Variants in APLF observed in about 807,000 individuals in gnomAD.
APLF encodes the protein aprataxin and PNKP like factor.
Under a neutral mutation model 55.6 loss-of-function variants are expected in APLF, and 61 were observed. The observed-to-expected ratio is 1.10, with a 90% CI of 0.89 to 1.36. The LOEUF is 1.36. Among genes scored for constraint, APLF ranks in the 40% most tolerant of loss-of-function variants. The pLI, the probability that APLF is intolerant of heterozygous loss-of-function variation, is 0.00. For missense variants in APLF, 611 were observed against 602.5 expected (o/e 1.01, Z -0.15); for synonymous variants, 207 against 214.8 (o/e 0.96, Z 0.32).
At chr2:68,480,550 C>T (rs1675921748) in intron 1 of APLF, among the ~76,000 whole-genome samples, 1 of 152,028 alleles carries the variant, frequency 6.6e-6, no homozygotes, top group Non-Finnish European at 1.5e-5. Context: ...GATCCACCCA[C>T]CTTGGCCTCC....
At chr2:68,565,436 G>T (rs1558555283) in intron 8 of APLF, among the ~76,000 whole-genome samples, 1 of 151,884 alleles carries the variant, frequency 6.6e-6, no homozygotes. Flanking sequence ...CTCTAGCCTG[G>T]ATAACAGAGT....
chr2:68,487,889 C>A (rs1034237405), intron 1 of APLF, among the ~76,000 whole-genome samples: 2 of 152,040 alleles, frequency 1.3e-5, no homozygotes, highest in Non-Finnish European at 2.9e-5. Context: ...TTATAGCATT[C>A]TTTTTGTATT....
In APLF at chr2:68,562,714, G is replaced by A. The variant is rs137877185; in HGVS notation, c.1287-4627G>A. On this transcript the variant is annotated intron_variant, in intron 8 of 9. Transcript: ENST00000303795. ...GCTATGAACAAGTTCATAAAAATGG[G>A]GAAGAATCACAAAGTACTCCCCTAG... Among the ~76,000 whole-genome samples the A allele has an allele frequency of 3.3e-5, 5 of 152,038 alleles. No individual in the cohort carries two copies. The East Asian group carries it at 9.6e-4, about 29-fold the overall frequency.
chr2:68,491,826 C>A (rs1157908187), intron 2 of APLF, among the ~76,000 whole-genome samples: 1 of 152,150 alleles, frequency 6.6e-6, no homozygotes, highest in East Asian at 1.9e-4. Flanking sequence ...GCCACTGTGT[C>A]CATGTCAGCA....
At chr2:68,493,926 G>A (rs1163281418) in intron 2 of APLF, among the ~76,000 whole-genome samples, 1 of 152,004 alleles carries the variant, frequency 6.6e-6, no homozygotes, top group Non-Finnish European at 1.5e-5. Context: ...GGCTAACATG[G>A]TGAAACCCCG....
At chr2:68,557,258 G>A (rs72903914) in intron 8 of APLF, among the ~76,000 whole-genome samples, 11,658 of 152,140 alleles carry the variant, frequency 0.077, 1,298 homozygotes, top group African/African-American at 0.24. Flanking sequence ...TAAATACTAT[G>A]TAATTGTTAT....
Position 68,578,284 on chromosome 2 carries a change from T to TG in APLF, c.*262_*263insG. On this transcript the variant is annotated 3_prime_UTR_variant, in exon 10 of 10. Coordinates refer to ENST00000303795, the MANE Select transcript of APLF (RefSeq NM_173545.3). ...GAGAAGGTAGAGTAAAAATGGATAT[T>TG]TTTTATGTACTTTGTATATTGGTAA... 8.4e-7 allele frequency: 1 copy of TG among 1,183,508 alleles called. No homozygotes were observed. Among genetic ancestry groups the TG allele is most frequent in the Admixed American group, 4.3e-5 (1 of 23,444 alleles). 73.3% of individuals were successfully genotyped at this position (1,183,508 alleles called of 1,614,324 possible). A position where few individuals can be genotyped will look rare whatever the true frequency, so the allele number is the denominator to read the frequency against.
intron 1 of APLF, among the ~76,000 whole-genome samples, chr2:68,487,069 C>G (rs781084773): frequency 6.6e-6 from 1 of 152,076 alleles, no homozygotes; most frequent in African/African-American, 2.4e-5. Flanking sequence ...TCTACTAAAT[C>G]CTATCCACTT....
At chr2:68,501,426 T>TA (rs80226716) in intron 2 of APLF, among the ~76,000 whole-genome samples, 262 of 143,176 alleles carry the variant, frequency 1.8e-3, no homozygotes, top group Admixed American at 5.3e-3. Context: ...AGATTGTACT[T>TA]AAAAAAAAAA....
chr2:68,549,571 G>A (rs2104025834), intron 8 of APLF, among the ~76,000 whole-genome samples: 1 of 152,110 alleles, frequency 6.6e-6, no homozygotes, highest in East Asian at 1.9e-4. Flanking sequence ...CCCAGCATAT[G>A]GGTGACTTTT....
chr2:68,567,181 A>C (rs1671332245), intron 8 of APLF, among the ~76,000 whole-genome samples, 160 bp from the exon 9 acceptor site: 1 of 152,186 alleles, frequency 6.6e-6, no homozygotes, highest in East Asian at 1.9e-4. Context: ...TGGAGTAGGC[A>C]CACAGGAAAT....
chr2:68,497,958 A>G (rs995264079), intron 2 of APLF, among the ~76,000 whole-genome samples: 1 of 152,182 alleles, frequency 6.6e-6, no homozygotes, highest in Non-Finnish European at 1.5e-5. Context: ...GTTTATATTA[A>G]TATAGTTTAA....
intron 6 of APLF, among the ~76,000 whole-genome samples, chr2:68,531,876 G>T (rs1029776137): frequency 1.3e-5 from 2 of 152,198 alleles, no homozygotes; most frequent in Non-Finnish European, 2.9e-5. Context: ...CAAGCTATTT[G>T]TGAGGTTTTG....
At chr2:68,519,978 A>G (rs1051214293) in intron 5 of APLF, among the ~76,000 whole-genome samples, 1 of 151,570 alleles carries the variant, frequency 6.6e-6, no homozygotes, top group African/African-American at 2.4e-5. Context: ...ACCAACATCT[A>G]TTATGTTTTT....
Position 68,490,251 on chromosome 2 carries a change from G to A in APLF, c.158G>A (p.Arg53Gln), listed in dbSNP as rs150464758. 60 of 1,611,434 alleles carry A rather than the reference G, an allele frequency of 3.7e-5. No individual in the cohort carries two copies. In the African/African-American group the frequency reaches 4.4e-4, roughly 12 times the overall value. Residue 53 changes from arginine to glutamine, a missense_variant, in exon 2 of 10, where the codon CGA becomes CAA. Transcript: ENST00000303795. ...CTTGAGGTGGCAGGTGGTCAGCTGC[G>A]AATCAAACCGGTAAATATGTTATTA... The part of the protein sequence containing the change: ...AILEVAGGQL[R>Q]IKPIHTNPCF...
intron 1 of APLF, among the ~76,000 whole-genome samples, chr2:68,468,162 A>T (rs892006106): frequency 6.6e-6 from 1 of 152,188 alleles, no homozygotes; most frequent in African/African-American, 2.4e-5. Context: ...CAAAAAATCT[A>T]CTAATTTTTC....
intron 6 of APLF, among the ~76,000 whole-genome samples, chr2:68,533,856 T>C (rs932745873): frequency 4.6e-5 from 7 of 152,160 alleles, no homozygotes; most frequent in South Asian, 2.1e-4. Flanking sequence ...CCAGGTCTCA[T>C]AGGGTGAAGA....
At chr2:68,535,279 A>G (rs1670355874) in intron 6 of APLF, 1 of 430,182 alleles carries the variant, frequency 2.3e-6, no homozygotes, top group Non-Finnish European at 4.7e-6. Context: ...TGGCAACATA[A>G]TAGATGCTTA....
chr2:68,536,188 AAGAGCGTATGTTTT>A (rs1280540302), intron 6 of APLF, among the ~76,000 whole-genome samples: 1 of 152,056 alleles, frequency 6.6e-6, no homozygotes, highest in East Asian at 1.9e-4. Context: ...CGTGGGAGCA[AAGAGCGTATGTTTT>A]AGAGAGACAT....
Sources: allele counts gnomAD v4.1 joint callset (sites outside exome capture counted in the v4.1 genomes callset), GRCh38; gene constraint gnomAD v4.1.1; transcripts MANE v1.5; gene names NCBI Gene and HGNC (gene_info 2026-07-23, HGNC 2026-07-21).